Variants in RGS17 observed in about 807,000 individuals in gnomAD.
RGS17 encodes regulator of G protein signaling 17.
In RGS17, 12 loss-of-function variants were observed where a neutral mutation model predicts 25.5. The ratio of observed to expected loss-of-function variants is 0.47; its 90% CI spans 0.30 to 0.76. RGS17 has a LOEUF of 0.76. Ranked by LOEUF, RGS17 falls within the 30% of genes least tolerant of loss-of-function variation. The pLI is 0.07. For missense variants in RGS17, 196 were observed against 242.2 expected (o/e 0.81, Z 1.27); for synonymous variants, 71 against 76.9 (o/e 0.92, Z 0.40).
At chr6:153,011,869 C>G in intron 4 of RGS17, 107 bp from the exon 5 acceptor site, 1 of 753,196 alleles carries the variant, frequency 1.3e-6, no homozygotes, top group South Asian at 2.3e-5. Context: ...AGAGCAAATC[C>G]AACTACCAAA....
At chr6:153,129,755 G>C (rs1423080204) in intron 1 of RGS17, among the ~76,000 whole-genome samples, 1 of 152,240 alleles carries the variant, frequency 6.6e-6, no homozygotes, top group Non-Finnish European at 1.5e-5. Flanking sequence ...ACTCTGAAGA[G>C]TGTGAAGTTC....
At chr6:153,110,425 T>TACACACACACACACACACACACACAC (rs149969105) in intron 1 of RGS17, among the ~76,000 whole-genome samples, 5 of 144,840 alleles carry the variant, frequency 3.5e-5, no homozygotes, top group Non-Finnish European at 6.0e-5. Flanking sequence ...ACTGCCAACA[T>TACACACACACACACACACACACACAC]ACACACACAC....
rs531192191 is a variant in RGS17 at position 153,106,480 on chromosome 6, T to TG, written c.-26+24643dup. 5.3e-5 allele frequency among the ~76,000 whole-genome samples: 8 copies of TG among 150,726 alleles called. No homozygotes were observed. In the East Asian group the frequency reaches 1.0e-3, roughly 19 times the overall value. ...GGTAGAAGAAAAGGGATGAAGAGGC[T>TG]GGCCCTTGAATGGTTTGGGGTTTAC... is the stretch of plus-strand genomic sequence containing the variant. On this transcript the variant is annotated intron_variant, in intron 1 of 4. Transcript: ENST00000206262.
At chr6:153,113,833 C>T (rs772320023) in intron 1 of RGS17, among the ~76,000 whole-genome samples, 13 of 151,968 alleles carry the variant, frequency 8.6e-5, no homozygotes, top group East Asian at 1.9e-4. Flanking sequence ...AAGACTACCG[C>T]GTAAATAATG....
chr6:153,032,272 G>C (rs541085050), intron 2 of RGS17, among the ~76,000 whole-genome samples: 5 of 152,118 alleles, frequency 3.3e-5, no homozygotes, highest in African/African-American at 1.2e-4. Flanking sequence ...GGGGTGTGTG[G>C]GGATGGGAAC....
rs2129104029 is a variant in RGS17, at chr6:153,005,869, CTGAA to C, written c.*5701_*5704del. 1 of 152,252 alleles carries C rather than the reference CTGAA, an allele frequency of 6.6e-6. No homozygotes were observed. Among genetic ancestry groups the C allele is most frequent in the South Asian group, 2.1e-4 (1 of 4,826 alleles). The allele number at this position is 152,252 out of a possible 1,614,324, so 9.4% of individuals were successfully genotyped here. A position where few individuals can be genotyped will look rare whatever the true frequency, so the allele number is the denominator to read the frequency against. ...ACATTAGGTTATAAACTAAGGAAAT[CTGAA>C]TGAAGTATGAATGTAATGATCAATA... On this transcript the variant is annotated 3_prime_UTR_variant, in exon 5 of 5. Coordinates refer to ENST00000206262, the MANE Select transcript of RGS17 (RefSeq NM_012419.5).
intron 1 of RGS17, among the ~76,000 whole-genome samples, chr6:153,072,851 T>TA (rs34138328): frequency 0.89 from 135,422 of 152,254 alleles, 60,467 homozygotes; most frequent in African/African-American, 0.97. Context: ...ATTCAGCACT[T>TA]AATACCTGTT....
At chr6:153,095,077 G>A (rs931718600) in intron 1 of RGS17, among the ~76,000 whole-genome samples, 45 of 152,146 alleles carry the variant, frequency 3.0e-4, no homozygotes, top group African/African-American at 1.0e-3. Flanking sequence ...ATGTGTTTCC[G>A]GGAATTTCTG....
In RGS17 at chr6:153,005,233, T is replaced by C. The variant is rs1345384985; in HGVS notation, c.*6341A>G. 1 of 152,196 alleles carries C rather than the reference T, an allele frequency of 6.6e-6. No individual in the cohort carries two copies. Among genetic ancestry groups the C allele is most frequent in the African/African-American group, 2.4e-5 (1 of 41,458 alleles). The allele number at this position is 152,196 out of a possible 1,614,324, so 9.4% of individuals were successfully genotyped here. ...TTTAATATCCAAAGTATGTGGAGGATTATTGTAAATTGCGCAGACAGTTCA... is the reference window on the plus strand; with the variant it reads ...TTTAATATCCAAAGTATGTGGAGGACTATTGTAAATTGCGCAGACAGTTCA... On this transcript the variant is annotated 3_prime_UTR_variant, in exon 5 of 5. Transcript: ENST00000206262.
At chr6:153,113,578 A>C (rs1313039743) in intron 1 of RGS17, among the ~76,000 whole-genome samples, 18 of 152,214 alleles carry the variant, frequency 1.2e-4, no homozygotes. Flanking sequence ...GACCAAGTGG[A>C]CCTAATAGAC....
rs528311183 is a variant in RGS17, at chr6:153,043,574, G to A, written c.119+326C>T. On this transcript the variant is annotated intron_variant, in intron 2 of 4. Transcript: ENST00000206262. ...CTTGCCTGTAACATTGGAGAATATT[G>A]CTTATTGATAAATACAAATGTAACT... Among the ~76,000 whole-genome samples the A allele has an allele frequency of 2.6e-5, 4 of 151,296 alleles. No homozygotes were observed. In the South Asian group the frequency reaches 8.4e-4, roughly 32 times the overall value.
chr6:153,117,983 A>T (rs1777567638), intron 1 of RGS17, among the ~76,000 whole-genome samples: 1 of 152,252 alleles, frequency 6.6e-6, no homozygotes, highest in African/African-American at 2.4e-5. Context: ...AAGGGACCAC[A>T]TTAGGAAGAC....
At chr6:153,101,794 C>G (rs925971397) in intron 1 of RGS17, among the ~76,000 whole-genome samples, 1 of 139,976 alleles carries the variant, frequency 7.1e-6, no homozygotes, top group South Asian at 2.3e-4. Context: ...CCCCTTCACT[C>G]TCTCTCTCTC....
chr6:153,006,699 GATAAA>G lies in RGS17; in HGVS notation c.*4870_*4874del, dbSNP rs1360604030. On this transcript the variant is annotated 3_prime_UTR_variant, in exon 5 of 5. Coordinates refer to ENST00000206262, the MANE Select transcript of RGS17 (RefSeq NM_012419.5). ...AACAATTATTGACGTGATGCACTTTGATAAAATAATAATGTATGCCACACTTTATT... is the reference window on the plus strand; with the variant it reads ...AACAATTATTGACGTGATGCACTTTGATAATAATGTATGCCACACTTTATT... 1 of 152,182 alleles carries G rather than the reference GATAAA, an allele frequency of 6.6e-6. No homozygotes were observed. The highest frequency in any genetic ancestry group is 6.5e-5 in the Admixed American group (1 of 15,278). 9.4% of individuals were successfully genotyped at this position (152,182 alleles called of 1,614,324 possible). A position where few individuals can be genotyped will look rare whatever the true frequency, so the allele number is the denominator to read the frequency against.
chr6:153,017,693 T>C (rs1779198629), intron 4 of RGS17, among the ~76,000 whole-genome samples: 1 of 152,244 alleles, frequency 6.6e-6, no homozygotes, highest in East Asian at 1.9e-4. Context: ...CCTTTCTTTA[T>C]GTTATTTAAT....
intron 2 of RGS17, among the ~76,000 whole-genome samples, 154 bp from the exon 3 acceptor site, chr6:153,026,697 T>C (rs7755683): frequency 0.085 from 12,976 of 152,274 alleles, 630 homozygotes; most frequent in Admixed American, 0.17. Context: ...TTTTAAATGA[T>C]GGGCAAGCCC....
At chr6:153,028,020 T>C (rs1416922110) in intron 2 of RGS17, among the ~76,000 whole-genome samples, 1 of 152,168 alleles carries the variant, frequency 6.6e-6, no homozygotes, top group Non-Finnish European at 1.5e-5. Context: ...GAAATATTAA[T>C]TTCTGACAAG....
At chr6:153,056,923 T>C (rs1448840428) in intron 1 of RGS17, among the ~76,000 whole-genome samples, 1 of 151,082 alleles carries the variant, frequency 6.6e-6, no homozygotes, top group East Asian at 1.9e-4. Flanking sequence ...AGATGCAAAA[T>C]AAGTATTAAT....
chr6:153,040,268 T>G (rs531223203), intron 2 of RGS17, among the ~76,000 whole-genome samples: 1 of 152,300 alleles, frequency 6.6e-6, no homozygotes, highest in South Asian at 2.1e-4. Flanking sequence ...TTTAGAATTT[T>G]GAAAGAAACT....
Sources: gnomAD v4.1 joint callset for allele counts (sites outside exome capture counted in the v4.1 genomes callset) on GRCh38, gnomAD v4.1.1 for gene constraint, MANE v1.5 for transcripts, NCBI Gene and HGNC (gene_info 2026-07-23, HGNC 2026-07-21) for gene names.